Variants in ADGRB3 observed in about 807,000 individuals in gnomAD.
ADGRB3 encodes brain-specific angiogenesis inhibitor 3.
A neutral mutation model predicts 193.4 loss-of-function variants in ADGRB3; 37 were observed. The ratio of observed to expected loss-of-function variants is 0.19; its 90% CI spans 0.15 to 0.25. ADGRB3 has a LOEUF of 0.25. Ranked by LOEUF, ADGRB3 falls within the 10% of genes least tolerant of loss-of-function variation. The probability of loss-of-function intolerance (pLI) is 1.00; values close to 1 mark genes in which losing one functional copy is unlikely to be tolerated. For missense variants in ADGRB3, 1,637 were observed against 1,852.9 expected, an observed-to-expected ratio of 0.88 and a Z score of 2.14; for synonymous variants, 690 against 644.2, an observed-to-expected ratio of 1.07 and a Z score of -1.08.
At chr6:69,014,257 G>A (rs941073983) in intron 12 of ADGRB3, 151 bp downstream of exon 12, 19 of 545,214 alleles carry the variant, frequency 3.5e-5, no homozygotes, top group African/African-American at 2.9e-4. Context: ...ACAAATGATC[G>A]TTACCATACC....
chr6:69,351,964 C>G lies in ADGRB3; in HGVS notation c.3460-2269C>G, dbSNP rs546372784. 2.6e-5 allele frequency among the ~76,000 whole-genome samples: 4 copies of G among 152,284 alleles called. No homozygotes were observed. In the South Asian group the frequency reaches 8.3e-4, roughly 32 times the overall value. Reference sequence around the variant, plus strand: ...ATGTCTGATAGAAATCTTCATGAGACAAGCTCCCAGAAGGCACCATTGCTA... The same window carrying G: ...ATGTCTGATAGAAATCTTCATGAGAGAAGCTCCCAGAAGGCACCATTGCTA... On this transcript the variant is annotated intron_variant, in intron 26 of 31. Transcript: ENST00000370598.
At chr6:69,107,634 G>T (rs888940729) in intron 17 of ADGRB3, among the ~76,000 whole-genome samples, 2 of 152,088 alleles carry the variant, frequency 1.3e-5, no homozygotes, top group Admixed American at 6.6e-5. Context: ...AAGACAAGCA[G>T]TCAACCTAGG....
chr6:68,683,579 T>C (rs539513497), intron 3 of ADGRB3, among the ~76,000 whole-genome samples: 1 of 152,270 alleles, frequency 6.6e-6, no homozygotes, highest in South Asian at 2.1e-4. Context: ...ATGTATTGCT[T>C]TATATTAAGG....
intron 3 of ADGRB3, among the ~76,000 whole-genome samples, chr6:68,831,817 C>G (rs1048122121): frequency 1.3e-5 from 2 of 152,156 alleles, no homozygotes; most frequent in Non-Finnish European, 2.9e-5. Context: ...GAATTACATC[C>G]TCTGCCTTAA....
intron 20 of ADGRB3, among the ~76,000 whole-genome samples, chr6:69,262,205 G>T (rs765199984): frequency 6.6e-6 from 1 of 151,948 alleles, no homozygotes; most frequent in Non-Finnish European, 1.5e-5. Context: ...GGTTCATAGC[G>T]ATCACATCTT....
chr6:69,367,189 T>C (rs1056611353), intron 29 of ADGRB3, among the ~76,000 whole-genome samples: 2 of 152,112 alleles, frequency 1.3e-5, no homozygotes, highest in African/African-American at 4.8e-5. Flanking sequence ...AGTTTTGGCA[T>C]ATTCTCATAA....
chr6:69,360,076 G>A (rs1769420137), intron 28 of ADGRB3, among the ~76,000 whole-genome samples: 1 of 151,364 alleles, frequency 6.6e-6, no homozygotes, highest in Non-Finnish European at 1.5e-5. Context: ...TTTTTGTTTT[G>A]TTCCCTTTCA....
intron 3 of ADGRB3, among the ~76,000 whole-genome samples, chr6:68,657,683 T>C (rs1768523604): frequency 6.6e-6 from 1 of 151,474 alleles, no homozygotes; most frequent in Non-Finnish European, 1.5e-5. Flanking sequence ...TAAAGGGTTT[T>C]ATCAAACCTT....
chr6:69,172,485 T>TA (rs942801916), intron 17 of ADGRB3, among the ~76,000 whole-genome samples: 101 of 148,060 alleles, frequency 6.8e-4, no homozygotes, highest in Admixed American at 3.0e-3. Context: ...CTACTAAAAA[T>TA]AAAAAAAAAT....
At chr6:69,043,310 A>AAGAAAGAAAGAAAGAAAG (rs1554252084) in intron 13 of ADGRB3, among the ~76,000 whole-genome samples, 23 of 150,628 alleles carry the variant, frequency 1.5e-4, no homozygotes, top group African/African-American at 4.9e-4. Context: ...GAAAGAAAGA[A>AAGAAAGAAAGAAAGAAAG]AGAAAGAAAG....
Position 69,305,214 on chromosome 6 carries a change from T to G in ADGRB3, c.2815-19658T>G, listed in dbSNP as rs139634073. 1.4e-4 allele frequency among the ~76,000 whole-genome samples: 21 copies of G among 151,698 alleles called. No homozygotes were observed. In the East Asian group the frequency reaches 4.1e-3, roughly 30 times the overall value. On this transcript the variant is annotated intron_variant, in intron 20 of 31. Coordinates refer to ENST00000370598, the MANE Select transcript of ADGRB3 (RefSeq NM_001704.3). ...GAATTTTATTATTGAAAATGTAATT[T>G]TCCTGAATTATACTAATCCTAAATA...
chr6:68,998,896 TACCC>T (rs1769474251), intron 11 of ADGRB3, among the ~76,000 whole-genome samples: 1 of 152,282 alleles, frequency 6.6e-6, no homozygotes, highest in African/African-American at 2.4e-5. Context: ...TTCCTAAAAG[TACCC>T]ATCTTTGGAT....
chr6:69,146,449 G>T (rs754326557), intron 17 of ADGRB3, among the ~76,000 whole-genome samples: 33 of 152,364 alleles, frequency 2.2e-4, no homozygotes, highest in South Asian at 4.1e-4. Flanking sequence ...GCCATGGCTG[G>T]GTGGCTGCAG....
At chr6:69,294,766 T>G (rs866395235) in intron 20 of ADGRB3, among the ~76,000 whole-genome samples, 27 of 152,168 alleles carry the variant, frequency 1.8e-4, no homozygotes, top group African/African-American at 5.3e-4. Flanking sequence ...AGTTGTTTTT[T>G]TTGTTGTTGT....
At chr6:68,870,291 C>T (rs1765420489) in intron 3 of ADGRB3, among the ~76,000 whole-genome samples, 1 of 152,118 alleles carries the variant, frequency 6.6e-6, no homozygotes, top group Non-Finnish European at 1.5e-5. Flanking sequence ...GAGAAGTCAC[C>T]AACTGGTGGC....
chr6:68,697,875 ATGT>A (rs568934259), intron 3 of ADGRB3, among the ~76,000 whole-genome samples: 85 of 151,980 alleles, frequency 5.6e-4, no homozygotes, highest in Non-Finnish European at 9.1e-4. Flanking sequence ...TAGTCAAATA[ATGT>A]TGTACAAGTT....
chr6:69,250,280 C>G (rs1368280371), intron 20 of ADGRB3, among the ~76,000 whole-genome samples: 1 of 151,786 alleles, frequency 6.6e-6, no homozygotes, highest in African/African-American at 2.4e-5. Flanking sequence ...ATGTGTATTG[C>G]TTTTACAAAA....
intron 3 of ADGRB3, among the ~76,000 whole-genome samples, chr6:68,681,238 C>T (rs979872585): frequency 3.3e-5 from 5 of 152,170 alleles, no homozygotes; most frequent in African/African-American, 1.2e-4. Context: ...TCCCACTAGA[C>T]TGCACCTTCA....
At chr6:69,067,174 CT>C (rs1771935105) in intron 16 of ADGRB3, among the ~76,000 whole-genome samples, 1 of 151,964 alleles carries the variant, frequency 6.6e-6, no homozygotes, top group African/African-American at 2.4e-5. Context: ...TTTTTTTCCT[CT>C]GGGCATCAAC....
Sources: gnomAD v4.1 joint callset for allele counts (sites outside exome capture counted in the v4.1 genomes callset) on GRCh38, gnomAD v4.1.1 for gene constraint, MANE v1.5 for transcripts, NCBI Gene and HGNC (gene_info 2026-07-23, HGNC 2026-07-21) for gene names.